UMAD1: variants seen among roughly 807,000 people sequenced by gnomAD.
The protein encoded by UMAD1 is UBAP1-MVB12-associated (UMA)-domain containing protein 1.
UMAD1 carries 8 observed loss-of-function variants against 6.1 expected under a neutral mutation model. The observed-to-expected ratio is 1.30, with a 90% CI of 0.76 to 2.35. The LOEUF (loss-of-function observed/expected upper bound fraction) is 2.35, where lower values mean the gene tolerates loss of function less well. Ranked by LOEUF, UMAD1 falls within the 30% of genes most tolerant of loss-of-function variation. The pLI is 0.00. For missense variants in UMAD1, 130 were observed against 78.4 expected (o/e 1.66, Z -2.49); for synonymous variants, 56 against 31.4 (o/e 1.78, Z -2.61).
At chr7:7,750,807 T>C (rs1389431846) in intron 2 of UMAD1, among the ~76,000 whole-genome samples, 1 of 152,214 alleles carries the variant, frequency 6.6e-6, no homozygotes, top group African/African-American at 2.4e-5. Flanking sequence ...CAGAGTGCTC[T>C]TAACTGTATG....
intron 2 of UMAD1, among the ~76,000 whole-genome samples, chr7:7,747,375 G>A (rs11984316): frequency 0.18 from 27,756 of 151,994 alleles, 4,454 homozygotes; most frequent in African/African-American, 0.44. Flanking sequence ...ACTTTATTTG[G>A]TCCTTTCAGA....
chr7:7,875,744 A>G (rs1784405018), intron 3 of UMAD1, among the ~76,000 whole-genome samples: 1 of 152,224 alleles, frequency 6.6e-6, no homozygotes, highest in Non-Finnish European at 1.5e-5. Context: ...ATTGAGCAGT[A>G]GGCACTGATC....
intron 3 of UMAD1, among the ~76,000 whole-genome samples, chr7:7,836,539 G>A (rs1048600338): frequency 6.6e-6 from 1 of 151,768 alleles, no homozygotes; most frequent in Non-Finnish European, 1.5e-5. Flanking sequence ...GCAAAAACAG[G>A]TTACAGAGTC....
chr7:7,698,990 G>T (rs1168574536), intron 2 of UMAD1, among the ~76,000 whole-genome samples: 1 of 151,240 alleles, frequency 6.6e-6, no homozygotes, highest in East Asian at 1.9e-4. Context: ...AAGTATCTGG[G>T]ACTACAGGAG....
intron 1 of UMAD1, chr7:7,641,813 A>G (rs759505645): frequency 2.6e-5 from 4 of 152,226 alleles, no homozygotes; most frequent in Non-Finnish European, 5.9e-5. Context: ...AAATTCCCTT[A>G]AGCAAAAAAG....
chr7:7,782,542 ATTTTC>A (rs1208686163), intron 2 of UMAD1, among the ~76,000 whole-genome samples: 2 of 151,820 alleles, frequency 1.3e-5, no homozygotes, highest in South Asian at 2.1e-4. Flanking sequence ...AATTTTTTTT[ATTTTC>A]TTTTTTATTC....
chr7:7,806,446 T>C (rs889465949), intron 3 of UMAD1, among the ~76,000 whole-genome samples: 2 of 152,228 alleles, frequency 1.3e-5, no homozygotes, highest in South Asian at 2.1e-4. Context: ...GCAGGGGCTA[T>C]AGCTTAATTA....
chr7:7,722,415 C>A (rs1043367865), intron 2 of UMAD1, among the ~76,000 whole-genome samples: 5 of 151,998 alleles, frequency 3.3e-5, no homozygotes, highest in African/African-American at 1.2e-4. Flanking sequence ...TAGTCCTTGG[C>A]ATGAACTGTT....
intron 1 of UMAD1, 51 bp downstream of exon 1, chr7:7,640,872 C>G (rs1036192057): frequency 5.6e-6 from 1 of 176,992 alleles, no homozygotes; most frequent in African/African-American, 2.4e-5. Flanking sequence ...CCCATTCTTC[C>G]CGCGAACAGA....
chr7:7,872,535 T>C (rs541563755), intron 3 of UMAD1, among the ~76,000 whole-genome samples: 4 of 152,258 alleles, frequency 2.6e-5, no homozygotes, highest in African/African-American at 9.6e-5. Context: ...CCAAAGCAGA[T>C]AGAATAACGA....
At position 7,849,859 on chromosome 7, in the gene UMAD1, G is replaced by C. The variant is rs191071682; in HGVS notation, c.157-27422G>C. Among the ~76,000 whole-genome samples, 5 of 152,236 alleles carry C rather than the reference G, an allele frequency of 3.3e-5. No individual in the cohort carries two copies. In the East Asian group the frequency reaches 9.6e-4, roughly 29 times the overall value. On this transcript the variant is annotated intron_variant, in intron 3 of 3. Transcript: ENST00000682710. ...GTGGACAGAGCAGGCCTCTCTGAGT[G>C]GTTTTAAGCTGAGACTTTTAAGAGT...
intron 2 of UMAD1, among the ~76,000 whole-genome samples, chr7:7,784,756 C>CTTTTTTTTTTTTTTTTTTTTTTT (rs71014716): frequency 1.3e-5 from 1 of 78,522 alleles, no homozygotes; most frequent in Non-Finnish European, 2.3e-5. Flanking sequence ...GCCCTTCCTT[C>CTTTTTTTTTTTTTTTTTTTTTTT]TTTTTTTTTT....
chr7:7,789,369 A>T (rs1782520318), intron 2 of UMAD1, among the ~76,000 whole-genome samples: 1 of 145,904 alleles, frequency 6.9e-6, no homozygotes, highest in Admixed American at 6.6e-5. Context: ...ACTTATTATA[A>T]CATCTGTATG....
intron 2 of UMAD1, among the ~76,000 whole-genome samples, chr7:7,732,934 C>T (rs1781287154): frequency 6.6e-6 from 1 of 152,150 alleles, no homozygotes; most frequent in East Asian, 1.9e-4. Flanking sequence ...ATAGTACCAC[C>T]TGCTAGTTGT....
intron 2 of UMAD1, among the ~76,000 whole-genome samples, chr7:7,711,453 A>G (rs1780761102): frequency 6.6e-6 from 1 of 152,172 alleles, no homozygotes; most frequent in South Asian, 2.1e-4. Flanking sequence ...TTTTCATATT[A>G]TACTCTATCC....
chr7:7,760,570 A>G (rs1781868964), intron 2 of UMAD1, among the ~76,000 whole-genome samples: 1 of 152,074 alleles, frequency 6.6e-6, no homozygotes, highest in South Asian at 2.1e-4. Context: ...AAGTCATCCA[A>G]AAACCTCTCC....
intron 2 of UMAD1, among the ~76,000 whole-genome samples, chr7:7,731,589 T>G (rs966064050): frequency 3.9e-5 from 6 of 151,930 alleles, no homozygotes; most frequent in Non-Finnish European, 7.4e-5. Flanking sequence ...CATAGGCATT[T>G]AAGTTAATTC....
chr7:7,866,970 T>C (rs140241153), intron 3 of UMAD1, among the ~76,000 whole-genome samples: 3 of 152,198 alleles, frequency 2.0e-5, no homozygotes, highest in Non-Finnish European at 2.9e-5. Context: ...AGGGGAGATA[T>C]TAAAAGCAGA....
chr7:7,868,077 G>A (rs1488606270), intron 3 of UMAD1, among the ~76,000 whole-genome samples: 1 of 152,166 alleles, frequency 6.6e-6, no homozygotes, highest in Non-Finnish European at 1.5e-5. Flanking sequence ...AGAAGAGAAA[G>A]GGGAAATGTG....
Sources: allele counts gnomAD v4.1 joint callset (sites outside exome capture counted in the v4.1 genomes callset), GRCh38; gene constraint gnomAD v4.1.1; transcripts MANE v1.5; gene names NCBI Gene and HGNC (gene_info 2026-07-23, HGNC 2026-07-21).